Variants in DIAPH2 observed in about 807,000 individuals in gnomAD.
The protein encoded by DIAPH2 is diaphanous related formin 2, also known as protein diaphanous homolog 2.
A neutral mutation model predicts 92.7 loss-of-function variants in DIAPH2; 35 were observed. That is an observed-to-expected ratio of 0.38 (90% CI 0.29 to 0.50). The LOEUF is 0.50. Among genes scored for constraint, DIAPH2 ranks in the 20% least tolerant of loss-of-function variants. The pLI is 0.94. For synonymous variants in DIAPH2, 301 were observed against 280.4 expected (o/e 1.07, Z -0.73); for missense variants, 701 against 819.5 (o/e 0.86, Z 1.77).
At chrX:96,775,253 T>C (rs990285688) in intron 4 of DIAPH2, among the ~76,000 whole-genome samples, 2 of 110,272 alleles carry the variant, frequency 1.8e-5, no homozygotes, top group African/African-American at 6.6e-5. Flanking sequence ...TTCTTTTTAA[T>C]TGCTTTTAGA....
chrX:97,171,246 G>A (rs531337592), intron 22 of DIAPH2, among the ~76,000 whole-genome samples: 1 of 112,002 alleles, frequency 8.9e-6, no homozygotes, highest in Non-Finnish European at 1.9e-5. Context: ...GTAGTGTAGC[G>A]TTATATTATG....
intron 22 of DIAPH2, among the ~76,000 whole-genome samples, chrX:97,201,544 C>T (rs757872665): frequency 1.3e-4 from 14 of 107,386 alleles, no homozygotes; most frequent in Non-Finnish European, 1.1e-4. Context: ...ATAGCTGAAT[C>T]GATCAAGCAG....
rs192552579 is a variant in DIAPH2, at chrX:97,080,866, T to G, written c.2247+5605T>G. On this transcript the variant is annotated intron_variant, in intron 19 of 26. Coordinates refer to ENST00000324765, the MANE Select transcript of DIAPH2 (RefSeq NM_006729.5). Reference sequence around the variant, plus strand: ...TGTAATAGTAGAGCTCGTTTTTGTCTCCTCAATCCATCTTTGTAATCATTG... The same window carrying G: ...TGTAATAGTAGAGCTCGTTTTTGTCGCCTCAATCCATCTTTGTAATCATTG... Among the ~76,000 whole-genome samples, 24 of 111,767 alleles carry G rather than the reference T, an allele frequency of 2.1e-4. No individual in the cohort carries two copies. In the Admixed American group the frequency reaches 2.3e-3, roughly 11 times the overall value.
chrX:97,201,144 A>C (rs1460603951), intron 22 of DIAPH2, among the ~76,000 whole-genome samples: 2 of 91,292 alleles, frequency 2.2e-5, no homozygotes, highest in Non-Finnish European at 4.3e-5. Flanking sequence ...CCCCCCCCAA[A>C]AAAAACCCCA....
At chrX:97,228,615 A>G (rs2067984184) in intron 22 of DIAPH2, among the ~76,000 whole-genome samples, 1 of 111,777 alleles carries the variant, frequency 8.9e-6, no homozygotes, top group Non-Finnish European at 1.9e-5. Context: ...TATGTAAATA[A>G]GACATAGTTT....
intron 17 of DIAPH2, among the ~76,000 whole-genome samples, chrX:97,060,857 T>A (rs2066592575): frequency 8.9e-6 from 1 of 112,341 alleles, no homozygotes; most frequent in Admixed American, 9.4e-5. Flanking sequence ...CCAACAATTT[T>A]TTTTTTAAGT....
chrX:97,328,577 G>C (rs960933144), intron 23 of DIAPH2, among the ~76,000 whole-genome samples: 1 of 111,600 alleles, frequency 9.0e-6, no homozygotes, highest in African/African-American at 3.3e-5. Flanking sequence ...ATCTGATTTA[G>C]ATAAATGTGA....
intron 24 of DIAPH2, among the ~76,000 whole-genome samples, chrX:97,367,629 A>T (rs2069393746): frequency 9.0e-6 from 1 of 111,231 alleles, no homozygotes; most frequent in Non-Finnish European, 1.9e-5. Context: ...TAAACTAATG[A>T]CTCAGAAACA....
At chrX:97,441,232 A>G (rs1255129908) in intron 26 of DIAPH2, among the ~76,000 whole-genome samples, 1 of 110,449 alleles carries the variant, frequency 9.1e-6, no homozygotes, top group Non-Finnish European at 1.9e-5. Flanking sequence ...CCTGACCAAC[A>G]TGGAGAAACC....
At chrX:96,842,048 T>G (rs1299813000) in intron 4 of DIAPH2, among the ~76,000 whole-genome samples, 1 of 111,073 alleles carries the variant, frequency 9.0e-6, no homozygotes, top group Non-Finnish European at 1.9e-5. Context: ...AACCGGCCAT[T>G]TTAACTTTTG....
At chrX:96,856,794 G>C (rs1248823386) in intron 4 of DIAPH2, among the ~76,000 whole-genome samples, 4 of 110,300 alleles carry the variant, frequency 3.6e-5, no homozygotes, top group African/African-American at 1.3e-4. Flanking sequence ...CCCAGCACTT[G>C]GGGAGGCCGA....
intron 22 of DIAPH2, among the ~76,000 whole-genome samples, chrX:97,159,453 GC>G (rs1370342520): frequency 8.9e-6 from 1 of 111,925 alleles, no homozygotes; most frequent in Admixed American, 9.5e-5. Context: ...AGTCCTTGTA[GC>G]CAAGAAACTC....
chrX:97,424,782 AT>A (rs895032900), intron 25 of DIAPH2, among the ~76,000 whole-genome samples: 5 of 107,410 alleles, frequency 4.7e-5, no homozygotes, highest in African/African-American at 6.8e-5. Flanking sequence ...ACACCCAGCT[AT>A]TTTTTTTTCT....
intron 26 of DIAPH2, among the ~76,000 whole-genome samples, chrX:97,510,079 G>A (rs1356038916): frequency 9.1e-6 from 1 of 110,099 alleles, no homozygotes; most frequent in Non-Finnish European, 1.9e-5. Context: ...CTGAGGAATC[G>A]CCACACTGAC....
intron 22 of DIAPH2, among the ~76,000 whole-genome samples, chrX:97,243,066 T>C (rs2147543961): frequency 9.1e-6 from 1 of 110,071 alleles, no homozygotes; most frequent in East Asian, 2.9e-4. Flanking sequence ...GATTACAGGC[T>C]TGAGCCACCG....
intron 26 of DIAPH2, among the ~76,000 whole-genome samples, chrX:97,508,977 C>A (rs1656890381): frequency 9.2e-6 from 1 of 108,261 alleles, no homozygotes; most frequent in African/African-American, 3.3e-5. Flanking sequence ...AAAAAAAAAA[C>A]AGATTACCCG....
At chrX:97,320,854 A>G (rs1427593975) in intron 23 of DIAPH2, among the ~76,000 whole-genome samples, 1 of 111,941 alleles carries the variant, frequency 8.9e-6, no homozygotes, top group African/African-American at 3.2e-5. Context: ...CTTTTATTTT[A>G]CTTGAAATAT....
intron 22 of DIAPH2, among the ~76,000 whole-genome samples, chrX:97,185,517 A>ATATATATATATATC (rs2067596655): frequency 2.3e-5 from 1 of 43,612 alleles, no homozygotes; most frequent in African/African-American, 7.1e-5. Context: ...ATATATATAT[A>ATATATATATATATC]TATCTCACTT....
At chrX:97,379,355 C>A (rs928518879) in intron 24 of DIAPH2, among the ~76,000 whole-genome samples, 1 of 112,159 alleles carries the variant, frequency 8.9e-6, no homozygotes, top group African/African-American at 3.2e-5. Context: ...TGACTGAATT[C>A]TTGCTGTTCA....
Sources: allele counts gnomAD v4.1 joint callset (sites outside exome capture counted in the v4.1 genomes callset), GRCh38; gene constraint gnomAD v4.1.1; transcripts MANE v1.5; gene names NCBI Gene and HGNC (gene_info 2026-07-23, HGNC 2026-07-21).